The following SNTG1 variants were observed in gnomAD, a reference collection of about 807,000 sequenced individuals.
SNTG1 encodes syntrophin gamma 1, also known as gamma-1-syntrophin.
A neutral mutation model predicts 74.7 loss-of-function variants in SNTG1; 39 were observed. The ratio of observed to expected loss-of-function variants is 0.52; its 90% CI spans 0.40 to 0.68. SNTG1 has a LOEUF of 0.68. SNTG1 is among the 30% of genes least tolerant of loss of function. SNTG1 has a pLI of 0.00. For missense variants in SNTG1, 685 were observed against 609.5 expected, an observed-to-expected ratio of 1.12 and a Z score of -1.30; for synonymous variants, 254 against 217.1, an observed-to-expected ratio of 1.17 and a Z score of -1.49.
chr8:49,924,632 A>G (rs1806852596), intron 1 of SNTG1, among the ~76,000 whole-genome samples: 1 of 152,138 alleles, frequency 6.6e-6, no homozygotes, highest in African/African-American at 2.4e-5. Context: ...CAAGTTTCAA[A>G]TTTAGTTTAT....
chr8:50,069,119 GA>G (rs1344536368), intron 1 of SNTG1, among the ~76,000 whole-genome samples: 3 of 152,190 alleles, frequency 2.0e-5, no homozygotes, highest in Non-Finnish European at 4.4e-5. Flanking sequence ...TAGGGTGACA[GA>G]AAAGGTTTAT....
Position 50,342,641 on chromosome 8 carries a change from C to T in SNTG1, c.-27-51571C>T, listed in dbSNP as rs1160392748. ...TAGGTTTTTAAAAATCTGTCATTCA[C>T]ATTCCCCCCAGCAAAACTGAAGCCA... On this transcript the variant is annotated intron_variant, in intron 2 of 18. Coordinates refer to ENST00000642720, the MANE Select transcript of SNTG1 (RefSeq NM_018967.5). 2.6e-5 allele frequency among the ~76,000 whole-genome samples: 4 copies of T among 152,162 alleles called. No individual in the cohort carries two copies. In the South Asian group the frequency reaches 6.2e-4, roughly 24 times the overall value.
At chr8:50,390,791 T>C (rs907493380) in intron 2 of SNTG1, among the ~76,000 whole-genome samples, 2 of 152,200 alleles carry the variant, frequency 1.3e-5, no homozygotes, top group Admixed American at 6.5e-5. Context: ...TCCACATCCC[T>C]TGTAAGTTGG....
intron 1 of SNTG1, among the ~76,000 whole-genome samples, chr8:49,991,611 T>A (rs997254032): frequency 6.6e-6 from 1 of 151,804 alleles, no homozygotes; most frequent in African/African-American, 2.4e-5. Context: ...GAATAAGAAA[T>A]AAGAATAAGA....
chr8:49,956,596 T>A (rs1810195463), intron 1 of SNTG1, among the ~76,000 whole-genome samples: 1 of 152,190 alleles, frequency 6.6e-6, no homozygotes, highest in Non-Finnish European at 1.5e-5. Flanking sequence ...TGTTTCCCAA[T>A]TTCATTTATT....
At chr8:50,730,197 T>A (rs1455934789) in intron 17 of SNTG1, among the ~76,000 whole-genome samples, 2 of 152,138 alleles carry the variant, frequency 1.3e-5, no homozygotes, top group Admixed American at 1.3e-4. Context: ...AAAGTAAAAC[T>A]ATATTTGGAA....
At chr8:49,927,905 A>G (rs1267116406) in intron 1 of SNTG1, among the ~76,000 whole-genome samples, 1 of 152,038 alleles carries the variant, frequency 6.6e-6, no homozygotes, top group Admixed American at 6.6e-5. Flanking sequence ...TCACAAGGTC[A>G]GGAGTTCAAG....
intron 2 of SNTG1, among the ~76,000 whole-genome samples, chr8:50,360,418 T>C (rs1187481558): frequency 6.6e-6 from 1 of 152,206 alleles, no homozygotes; most frequent in Non-Finnish European, 1.5e-5. Context: ...ACTGTAGTTA[T>C]AAGTCTTGCC....
At position 50,219,898 on chromosome 8, in the gene SNTG1, C is replaced by T. The variant is rs138379484; in HGVS notation, c.-28+47263C>T. ...GTAGTGAACTTTTATTAGTCTAAGA[C>T]GAAACAGACTTTAAGACCAAAAGCT... On this transcript the variant is annotated intron_variant, in intron 2 of 18. Coordinates refer to ENST00000642720, the MANE Select transcript of SNTG1 (RefSeq NM_018967.5). Among the ~76,000 whole-genome samples the T allele has an allele frequency of 4.8e-3, 732 of 152,128 alleles. 6 individuals carry two copies. The highest frequency in any genetic ancestry group is 7.7e-3 in the South Asian group (37 of 4,826).
intron 12 of SNTG1, among the ~76,000 whole-genome samples, chr8:50,571,969 G>A (rs1291099521): frequency 6.6e-6 from 1 of 152,144 alleles, no homozygotes; most frequent in Non-Finnish European, 1.5e-5. Flanking sequence ...CACGTCACTT[G>A]AGGGTGCTTT....
chr8:50,714,568 G>C (rs566033974), intron 17 of SNTG1, among the ~76,000 whole-genome samples: 1 of 151,986 alleles, frequency 6.6e-6, no homozygotes, highest in Non-Finnish European at 1.5e-5. Flanking sequence ...CCTCCACTGG[G>C]CATTTGCCAC....
At chr8:50,342,532 T>G (rs1444992466) in intron 2 of SNTG1, among the ~76,000 whole-genome samples, 2 of 152,136 alleles carry the variant, frequency 1.3e-5, no homozygotes, top group East Asian at 3.9e-4. Flanking sequence ...GCAAGAAATA[T>G]ATTTAGAAAG....
chr8:49,980,187 C>T (rs1463657051), intron 1 of SNTG1, among the ~76,000 whole-genome samples: 1 of 152,172 alleles, frequency 6.6e-6, no homozygotes, highest in East Asian at 1.9e-4. Context: ...TCTCCTCCAG[C>T]GCCTGGCAGC....
chr8:50,555,362 A>C (rs1273738388), intron 12 of SNTG1, among the ~76,000 whole-genome samples: 1 of 152,230 alleles, frequency 6.6e-6, no homozygotes, highest in East Asian at 1.9e-4. Flanking sequence ...AAAGTACTAC[A>C]TAAATGTTGA....
At chr8:50,206,625 G>A (rs1461131499) in intron 2 of SNTG1, among the ~76,000 whole-genome samples, 1 of 152,156 alleles carries the variant, frequency 6.6e-6, no homozygotes, top group Non-Finnish European at 1.5e-5. Flanking sequence ...TGGTGAGAGA[G>A]GGCATCCCTG....
chr8:50,650,393 G>C (rs1332204965), intron 13 of SNTG1, among the ~76,000 whole-genome samples: 2 of 151,894 alleles, frequency 1.3e-5, no homozygotes, highest in Non-Finnish European at 2.9e-5. Context: ...TTCTTGTCAG[G>C]TGCTGTTCCT....
At chr8:50,599,985 G>A (rs1156721972) in intron 13 of SNTG1, among the ~76,000 whole-genome samples, 1 of 151,896 alleles carries the variant, frequency 6.6e-6, no homozygotes, top group Non-Finnish European at 1.5e-5. Context: ...TATGTTCCTT[G>A]TATTCCCGGT....
rs142133887 is a variant in SNTG1, at chr8:49,983,429, C to G, written c.-103+71198C>G. Among the ~76,000 whole-genome samples, 561 of 152,226 alleles carry G rather than the reference C, an allele frequency of 3.7e-3. 7 individuals are homozygous for G. Among genetic ancestry groups the G allele is most frequent in the African/African-American group, 0.011 (463 of 41,544 alleles). On this transcript the variant is annotated intron_variant, in intron 1 of 18. Transcript: ENST00000642720. ...ATTCAATAAGAATATCAAATTCAGT[C>G]TTTAAACATAAATAATGTGAATTTT... is the stretch of plus-strand genomic sequence containing the variant.
At chr8:50,615,962 A>T (rs1225620312) in intron 13 of SNTG1, among the ~76,000 whole-genome samples, 1 of 152,236 alleles carries the variant, frequency 6.6e-6, no homozygotes, top group Non-Finnish European at 1.5e-5. Flanking sequence ...TGAAACCTGT[A>T]AAACAGGCCA....
Sources: gnomAD v4.1 joint callset for allele counts (sites outside exome capture counted in the v4.1 genomes callset) on GRCh38, gnomAD v4.1.1 for gene constraint, MANE v1.5 for transcripts, NCBI Gene and HGNC (gene_info 2026-07-23, HGNC 2026-07-21) for gene names.